Variants in RUNX2 observed in about 807,000 individuals in gnomAD.
RUNX2 encodes the protein runt-related transcription factor 2.
RUNX2 carries 10 observed loss-of-function variants against 51.7 expected under a neutral mutation model. The observed-to-expected ratio is 0.19, with a 90% CI of 0.12 to 0.33. The LOEUF (loss-of-function observed/expected upper bound fraction) is 0.33, where lower values mean the gene tolerates loss of function less well. RUNX2 is among the 10% of genes least tolerant of loss of function. The pLI is 1.00. For synonymous variants in RUNX2, 276 were observed against 273.6 expected (o/e 1.01, Z -0.09); for missense variants, 562 against 691.3 (o/e 0.81, Z 2.10).
intron 6 of RUNX2, among the ~76,000 whole-genome samples, chr6:45,494,677 C>T (rs890186387): frequency 6.6e-6 from 1 of 152,042 alleles, no homozygotes; most frequent in Non-Finnish European, 1.5e-5. Flanking sequence ...TGTCCATAAC[C>T]AAGGAGATGC....
intron 2 of RUNX2, among the ~76,000 whole-genome samples, chr6:45,357,514 A>G (rs781100945): frequency 6.6e-6 from 1 of 151,932 alleles, no homozygotes; most frequent in African/African-American, 2.4e-5. Context: ...CTGTAGAGAC[A>G]GCGTCTCAAG....
At chr6:45,417,817 C>A (rs1362039553) in intron 2 of RUNX2, among the ~76,000 whole-genome samples, 1 of 152,176 alleles carries the variant, frequency 6.6e-6, no homozygotes, top group African/African-American at 2.4e-5. Flanking sequence ...ATATCATTTT[C>A]ATGTACTATG....
chr6:45,422,364 C>G (rs1465479752), intron 2 of RUNX2: 11 of 531,904 alleles, frequency 2.1e-5, no homozygotes, highest in African/African-American at 1.8e-4. Context: ...TCCCTACCCG[C>G]CAGCCCGACT....
chr6:45,430,540 T>G lies in RUNX2; in HGVS notation c.424-1323T>G, dbSNP rs186661027. 3.9e-3 allele frequency among the ~76,000 whole-genome samples: 600 copies of G among 152,222 alleles called. 3 individuals are homozygous for G. Among genetic ancestry groups the G allele is most frequent in the Non-Finnish European group, 6.4e-3 (438 of 68,004 alleles). ...GGCGTGTTGCAGTAGGGTTCATGGATGGGGGAAATTCAGCCCTAAAATATA... is the reference window on the plus strand; with the variant it reads ...GGCGTGTTGCAGTAGGGTTCATGGAGGGGGGAAATTCAGCCCTAAAATATA... On this transcript the variant is annotated intron_variant, in intron 3 of 8. Coordinates refer to ENST00000647337, the MANE Select transcript of RUNX2 (RefSeq NM_001024630.4).
intron 7 of RUNX2, among the ~76,000 whole-genome samples, chr6:45,535,783 G>T (rs918879254): frequency 5.9e-5 from 9 of 152,046 alleles, no homozygotes; most frequent in African/African-American, 2.2e-4. Flanking sequence ...TAGGGTAGGG[G>T]GCTAGTGGGA....
chr6:45,460,439 G>T (rs558888994), intron 5 of RUNX2, among the ~76,000 whole-genome samples: 80 of 152,316 alleles, frequency 5.3e-4, no homozygotes, highest in African/African-American at 1.9e-3. Flanking sequence ...AGATTCAAAA[G>T]ATCATTTGTT....
At chr6:45,427,783 G>C (rs1798424179) in intron 3 of RUNX2, among the ~76,000 whole-genome samples, 2 of 152,028 alleles carry the variant, frequency 1.3e-5, no homozygotes, top group Admixed American at 6.6e-5. Flanking sequence ...CTGTTTTAAG[G>C]GTTTGAGTTA....
intron 3 of RUNX2, among the ~76,000 whole-genome samples, chr6:45,424,682 A>G (rs544629941): frequency 7.4e-4 from 112 of 152,212 alleles, no homozygotes; most frequent in African/African-American, 2.5e-3. Flanking sequence ...TGTGGGTGGG[A>G]TGGAAAGAAA....
At chr6:45,440,663 T>G (rs953804797) in intron 5 of RUNX2, among the ~76,000 whole-genome samples, 1 of 151,646 alleles carries the variant, frequency 6.6e-6, no homozygotes, top group South Asian at 2.1e-4. Flanking sequence ...TTTTTTTTTT[T>G]AATTTTTGGA....
At chr6:45,442,586 G>A (rs34454023) in intron 5 of RUNX2, among the ~76,000 whole-genome samples, 4,872 of 152,284 alleles carry the variant, frequency 0.032, 112 homozygotes, top group Non-Finnish European at 0.045. Context: ...GTTGTGCAGA[G>A]GATGGAAAAA....
chr6:45,452,038 T>C (rs2150380582), intron 5 of RUNX2, among the ~76,000 whole-genome samples: 1 of 152,346 alleles, frequency 6.6e-6, no homozygotes, highest in East Asian at 1.9e-4. Context: ...TTGTTACTGA[T>C]AATCAGAATA....
intron 2 of RUNX2, among the ~76,000 whole-genome samples, chr6:45,375,448 T>G (rs539744194): frequency 6.6e-6 from 1 of 152,288 alleles, no homozygotes; most frequent in South Asian, 2.1e-4. Context: ...CCATTCTGAT[T>G]TGTATATTAT....
intron 5 of RUNX2, among the ~76,000 whole-genome samples, chr6:45,446,495 GTC>G (rs889513696): frequency 6.7e-5 from 10 of 148,286 alleles, no homozygotes; most frequent in Admixed American, 2.0e-4. Context: ...CCCTTTTTTT[GTC>G]TCTCTTTTTT....
intron 5 of RUNX2, among the ~76,000 whole-genome samples, chr6:45,439,676 T>C (rs771700252): frequency 2.0e-5 from 3 of 152,058 alleles, no homozygotes; most frequent in Admixed American, 6.6e-5. Context: ...TGCGTGTGTG[T>C]GTGTGTGTAT....
chr6:45,382,627 A>G (rs905503575), intron 2 of RUNX2, among the ~76,000 whole-genome samples: 8 of 152,228 alleles, frequency 5.3e-5, no homozygotes, highest in African/African-American at 1.9e-4. Flanking sequence ...TAGCTAAAGA[A>G]GAGTAACCCA....
chr6:45,491,622 G>GTTTTTTTT (rs34040641), intron 5 of RUNX2, among the ~76,000 whole-genome samples: 12 of 93,496 alleles, frequency 1.3e-4, no homozygotes, highest in South Asian at 4.2e-4. Flanking sequence ...TCTCCTGTTT[G>GTTTTTTTT]TTTTTTTTTT....
intron 2 of RUNX2, among the ~76,000 whole-genome samples, chr6:45,374,539 TTAA>T (rs1370991300): frequency 1.3e-5 from 2 of 152,244 alleles, no homozygotes; most frequent in African/African-American, 4.8e-5. Context: ...CAGTATAAAC[TTAA>T]TATAATAATG....
chr6:45,339,070 T>C (rs1789206870), intron 2 of RUNX2, among the ~76,000 whole-genome samples: 2 of 152,160 alleles, frequency 1.3e-5, no homozygotes, highest in South Asian at 4.1e-4. Flanking sequence ...AAAGAAGACA[T>C]ACTTGCCATA....
intron 2 of RUNX2, among the ~76,000 whole-genome samples, chr6:45,383,080 G>A (rs1345010006): frequency 6.6e-6 from 1 of 152,098 alleles, no homozygotes; most frequent in African/African-American, 2.4e-5. Flanking sequence ...TGCAGTTTGG[G>A]GAATAAGTAC....
Sources: allele counts gnomAD v4.1 joint callset (sites outside exome capture counted in the v4.1 genomes callset), GRCh38; gene constraint gnomAD v4.1.1; transcripts MANE v1.5; gene names NCBI Gene and HGNC (gene_info 2026-07-23, HGNC 2026-07-21).